Variants in MACROD2 observed in about 807,000 individuals in gnomAD.
MACROD2 encodes mono-ADP ribosylhydrolase 2.
Under a neutral mutation model 70.4 loss-of-function variants are expected in MACROD2, and 36 were observed. The observed-to-expected ratio is 0.51, with a 90% CI of 0.39 to 0.68. The LOEUF is 0.68. Among genes scored for constraint, MACROD2 ranks in the 30% least tolerant of loss-of-function variants. The probability of loss-of-function intolerance (pLI) is 0.00; values close to 1 mark genes in which losing one functional copy is unlikely to be tolerated. For synonymous variants in MACROD2, 172 were observed against 178.8 expected (o/e 0.96, Z 0.30); for missense variants, 496 against 538.4 (o/e 0.92, Z 0.78).
intron 5 of MACROD2, among the ~76,000 whole-genome samples, chr20:15,197,888 G>T (rs1379488534): frequency 6.7e-6 from 1 of 149,258 alleles, no homozygotes. Context: ...GTAGAGACGG[G>T]TTTTTGCCAT....
In MACROD2 at chr20:15,248,543, C is replaced by T. The variant is rs913088617; in HGVS notation, c.540+18482C>T. Among the ~76,000 whole-genome samples the T allele has an allele frequency of 2.0e-5, 3 of 152,150 alleles. No individual in the cohort carries two copies. The East Asian group carries it at 5.8e-4, about 29-fold the overall frequency. ...CCTAACACTGGTGGTATAGGGGCTT[C>T]AGTGACTACAAGTCCCTGATTCCCA... On this transcript the variant is annotated intron_variant, in intron 6 of 17. Coordinates refer to ENST00000684519, the MANE Select transcript of MACROD2 (RefSeq NM_001351661.2).
rs546682558 is a variant in MACROD2, at chr20:15,893,786, A to G, written c.775+7975A>G. On this transcript the variant is annotated intron_variant, in intron 10 of 17. Coordinates refer to ENST00000684519, the MANE Select transcript of MACROD2 (RefSeq NM_001351661.2). ...CCACTGGGAAATGAAGAGTGTAATA[A>G]TACTGATGGTGTCAGGTTGGGTCTT... The G allele has an allele frequency of 2.2e-5, 10 of 456,758 alleles. No homozygotes were observed. In the East Asian group the frequency reaches 6.3e-4, roughly 29 times the overall value. 28.3% of individuals were successfully genotyped at this position (456,758 alleles called of 1,614,324 possible).
At chr20:14,166,892 A>C (rs903752889) in intron 3 of MACROD2, among the ~76,000 whole-genome samples, 3 of 152,222 alleles carry the variant, frequency 2.0e-5, no homozygotes, top group Non-Finnish European at 2.9e-5. Flanking sequence ...ACAACTGTTT[A>C]CTTCAGCATA....
intron 4 of MACROD2, among the ~76,000 whole-genome samples, chr20:14,604,861 T>A (rs1205694436): frequency 6.6e-6 from 1 of 152,190 alleles, no homozygotes; most frequent in Non-Finnish European, 1.5e-5. Context: ...TTCACATGAC[T>A]AAGAAGATAC....
intron 8 of MACROD2, among the ~76,000 whole-genome samples, chr20:15,842,851 C>T (rs1337014495): frequency 1.3e-5 from 2 of 152,106 alleles, no homozygotes; most frequent in Non-Finnish European, 2.9e-5. Context: ...GGGGTTGTGT[C>T]GTCTCTCAAG....
At chr20:14,396,317 A>C (rs548869963) in intron 3 of MACROD2, among the ~76,000 whole-genome samples, 5 of 152,308 alleles carry the variant, frequency 3.3e-5, no homozygotes, top group Admixed American at 2.6e-4. Context: ...AATGGTGTTG[A>C]AATCTCTATC....
chr20:14,800,684 G>T (rs374198850), intron 5 of MACROD2, among the ~76,000 whole-genome samples: 1 of 152,060 alleles, frequency 6.6e-6, no homozygotes, highest in East Asian at 1.9e-4. Context: ...TAAAAATATC[G>T]CTGAGTACTT....
intron 8 of MACROD2, among the ~76,000 whole-genome samples, chr20:15,542,010 G>A (rs950000328): frequency 2.6e-5 from 4 of 152,318 alleles, no homozygotes; most frequent in African/African-American, 9.6e-5. Flanking sequence ...GAGGCATCCA[G>A]TAACAGTTGG....
At chr20:15,489,497 T>G (rs915566798) in intron 7 of MACROD2, among the ~76,000 whole-genome samples, 1 of 152,156 alleles carries the variant, frequency 6.6e-6, no homozygotes, top group African/African-American at 2.4e-5. Context: ...AACTGCCAGC[T>G]TTTCTACCTT....
At chr20:14,327,796 T>C (rs1290658504) in intron 3 of MACROD2, among the ~76,000 whole-genome samples, 1 of 152,086 alleles carries the variant, frequency 6.6e-6, no homozygotes, top group Non-Finnish European at 1.5e-5. Flanking sequence ...CCTAAATCCA[T>C]TTGATTTTGA....
chr20:14,935,790 C>A (rs2074335684), intron 5 of MACROD2, among the ~76,000 whole-genome samples: 1 of 152,108 alleles, frequency 6.6e-6, no homozygotes, highest in South Asian at 2.1e-4. Flanking sequence ...TTCTAAGACT[C>A]CTAGATTTAC....
intron 6 of MACROD2, among the ~76,000 whole-genome samples, chr20:15,315,908 G>T (rs1388503867): frequency 6.6e-6 from 1 of 152,014 alleles, no homozygotes; most frequent in Non-Finnish European, 1.5e-5. Flanking sequence ...GATGTAATTT[G>T]TAACAATAAC....
Position 15,924,901 on chromosome 20 carries a change from T to G in MACROD2, c.776-8375T>G, listed in dbSNP as rs1048910291. 1.6e-4 allele frequency among the ~76,000 whole-genome samples: 24 copies of G among 152,180 alleles called. 2 individuals are homozygous for G. Among genetic ancestry groups the G allele is most frequent in the Admixed American group, 1.6e-3 (24 of 15,274 alleles). On this transcript the variant is annotated intron_variant, in intron 10 of 17. Coordinates refer to ENST00000684519, the MANE Select transcript of MACROD2 (RefSeq NM_001351661.2). ...GTGTAGGCTCACTGGTTATCTAGATTCAGGAATGTAAAGGACAATACAGAG... is the reference window on the plus strand; with the variant it reads ...GTGTAGGCTCACTGGTTATCTAGATGCAGGAATGTAAAGGACAATACAGAG...
At chr20:15,763,344 A>G (rs1251933059) in intron 8 of MACROD2, among the ~76,000 whole-genome samples, 1 of 152,206 alleles carries the variant, frequency 6.6e-6, no homozygotes, top group Non-Finnish European at 1.5e-5. Context: ...GTAACTTTAC[A>G]ACATCAAAGC....
intron 3 of MACROD2, among the ~76,000 whole-genome samples, chr20:14,244,748 C>T (rs995046614): frequency 6.6e-6 from 1 of 152,166 alleles, no homozygotes; most frequent in Non-Finnish European, 1.5e-5. Context: ...AGATAAATTA[C>T]TTAAAGCTTG....
Position 14,683,881 on chromosome 20 carries a change from G to A in MACROD2, c.302-962G>A, listed in dbSNP as rs78500409. Among the ~76,000 whole-genome samples the A allele has an allele frequency of 1.0e-3, 154 of 151,456 alleles. 1 individual carries two copies. In the East Asian group the frequency reaches 0.026, roughly 26 times the overall value. ...ATCTTGCTTTTTTTTTCTATCCAAG[G>A]GGCCCATTCAATAATAACTAAAGCC... On this transcript the variant is annotated intron_variant, in intron 4 of 17. Transcript: ENST00000684519.
intron 15 of MACROD2, among the ~76,000 whole-genome samples, chr20:16,017,679 T>A (rs1216967756): frequency 1.3e-5 from 2 of 152,210 alleles, no homozygotes; most frequent in Non-Finnish European, 2.9e-5. Context: ...AGGAGAAACA[T>A]CTGTTTCTGC....
At chr20:15,988,122 G>A (rs989438838) in intron 15 of MACROD2, among the ~76,000 whole-genome samples, 2 of 152,052 alleles carry the variant, frequency 1.3e-5, no homozygotes, top group Non-Finnish European at 2.9e-5. Flanking sequence ...CCATGTTAGA[G>A]ATTTTGACAC....
At chr20:15,019,691 TA>T (rs1387512834) in intron 5 of MACROD2, among the ~76,000 whole-genome samples, 1 of 151,846 alleles carries the variant, frequency 6.6e-6, no homozygotes, top group African/African-American at 2.4e-5. Flanking sequence ...ATATTACTAA[TA>T]AAAGAAAAAA....
Sources: allele counts gnomAD v4.1 joint callset (sites outside exome capture counted in the v4.1 genomes callset), GRCh38; gene constraint gnomAD v4.1.1; transcripts MANE v1.5; gene names NCBI Gene and HGNC (gene_info 2026-07-23, HGNC 2026-07-21).